BNIP3L: variants seen among roughly 807,000 people sequenced by gnomAD.
The protein encoded by BNIP3L is BCL2 interacting protein 3 like, also known as BCL2/adenovirus E1B 19 kDa protein-interacting protein 3-like.
In BNIP3L, 10 loss-of-function variants were observed where a neutral mutation model predicts 25.5. That is an observed-to-expected ratio of 0.39 (90% confidence interval 0.24 to 0.67). The LOEUF is 0.67. Ranked by LOEUF, BNIP3L falls within the 30% of genes least tolerant of loss-of-function variation. BNIP3L has a pLI of 0.45. For synonymous variants in BNIP3L, 113 were observed against 101.2 expected (o/e 1.12, Z -0.70); for missense variants, 215 against 270.9 (o/e 0.79, Z 1.45).
intron 3 of BNIP3L, among the ~76,000 whole-genome samples, chr8:26,400,041 C>G (rs1361714237): frequency 1.3e-5 from 2 of 151,156 alleles, no homozygotes; most frequent in African/African-American, 4.9e-5. Context: ...CAATGACTTT[C>G]TTCACAGAAT....
intron 1 of BNIP3L, among the ~76,000 whole-genome samples, chr8:26,388,457 C>A (rs899541472): frequency 6.6e-6 from 1 of 152,122 alleles, no homozygotes; most frequent in Admixed American, 6.5e-5. Context: ...CAGCCCCTGA[C>A]CACACTATAC....
chr8:26,389,394 T>A (rs1806058261), intron 1 of BNIP3L, among the ~76,000 whole-genome samples: 1 of 152,196 alleles, frequency 6.6e-6, no homozygotes, highest in Admixed American at 6.5e-5. Context: ...GCACTCGAGA[T>A]AAATTATCTT....
Position 26,408,394 on chromosome 8 carries a change from C to G in BNIP3L, c.611+18C>G, listed in dbSNP as rs1397936241. 6.3e-7 allele frequency: 1 copy of G among 1,590,532 alleles called. No homozygotes were observed. Among genetic ancestry groups the G allele is most frequent in the Non-Finnish European group, 8.6e-7 (1 of 1,168,536 alleles). ...GGGCTAGGGTAAGTACCGGTCAACT[C>G]CTGAAGTTTTTTCCATTCATTTTAT... On this transcript the variant is annotated intron_variant, in intron 5 of 5. Coordinates refer to ENST00000380629, the MANE Select transcript of BNIP3L (RefSeq NM_004331.3).
rs763982570 is a variant in BNIP3L at position 26,383,212 on chromosome 8, C to A, written c.82C>A (p.Pro28Thr). The stretch of plus-strand genomic sequence containing the variant: ...CGAGGAAAATGAGCAGTCTCTGCCC[C>A]CGCCGGCCGGCCTCAACAGTGAGTG... ...NCEENEQSLP[P>T]PAGLNSSWVE... Residue 28 changes from proline to threonine, a missense_variant, in exon 1 of 6, where the codon CCG (proline) becomes ACG (threonine). Pro to Thr is a conservative substitution (Grantham distance 38, BLOSUM62 -1). This residue lies in a region of BNIP3L where 69 missense variants were observed against 53.6 expected (regional missense o/e 1.29). Coordinates refer to ENST00000380629, the MANE Select transcript of BNIP3L (RefSeq NM_004331.3). 3.1e-6 allele frequency: 5 copies of A among 1,611,122 alleles called. No homozygotes were observed. The highest frequency in any genetic ancestry group is 3.4e-6 in the Non-Finnish European group (4 of 1,179,304).
In BNIP3L at chr8:26,410,408, A is replaced by G. The variant is rs779461964; in HGVS notation, c.656A>G (p.Tyr219Cys). 1 of 1,614,010 alleles carries G rather than the reference A, an allele frequency of 6.2e-7. No homozygotes were observed. Among genetic ancestry groups the G allele is most frequent in the Non-Finnish European group, 8.5e-7 (1 of 1,180,008 alleles). ...KRLSTPSASTY is the reference protein window; with the variant it reads ...KRLSTPSASTC ...CTGAGCACACCCTCTGCCAGCACCTACTGAGGGAAAGGAAAAGCCCCTGGA... is the reference window on the plus strand; with the variant it reads ...CTGAGCACACCCTCTGCCAGCACCTGCTGAGGGAAAGGAAAAGCCCCTGGA... Residue 219 changes from tyrosine to cysteine, a missense_variant, in exon 6 of 6, where the codon TAC (tyrosine) becomes TGC (cysteine). This residue lies in a region of BNIP3L where 63 missense variants were observed against 98.8 expected (regional missense o/e 0.64). Transcript: ENST00000380629.
chr8:26,396,634 G>A (rs1278434274), intron 3 of BNIP3L, among the ~76,000 whole-genome samples: 7 of 151,204 alleles, frequency 4.6e-5, no homozygotes, highest in Non-Finnish European at 1.0e-4. Flanking sequence ...GAATGATTTT[G>A]ACGAGCTGAG....
At chr8:26,408,505 TAAAA>T in intron 5 of BNIP3L, 129 bp downstream of exon 5, 3 of 1,107,384 alleles carry the variant, frequency 2.7e-6, no homozygotes, top group Non-Finnish European at 3.9e-6. Context: ...AAGGTGAACT[TAAAA>T]AAGTGGGTGC....
rs1806659824 is a variant in BNIP3L at position 26,412,803 on chromosome 8, T to C, written c.*2391T>C. On this transcript the variant is annotated 3_prime_UTR_variant, in exon 6 of 6. Transcript: ENST00000380629. ...ACAAAAAGGCAGGCTTCATTTTTCA[T>C]ATGTTTGATGAAAACTGGCTCAAGA... The C allele has an allele frequency of 6.6e-6, 1 of 152,590 alleles. No homozygotes were observed. Among genetic ancestry groups the C allele is most frequent in the Admixed American group, 6.5e-5 (1 of 15,282 alleles). The allele number at this position is 152,590 out of a possible 1,614,324, so 9.5% of individuals were successfully genotyped here.
intron 1 of BNIP3L, among the ~76,000 whole-genome samples, chr8:26,390,679 G>A (rs1041155391): frequency 6.6e-6 from 1 of 152,152 alleles, no homozygotes; most frequent in Non-Finnish European, 1.5e-5. Context: ...CCTGATTTGT[G>A]CACAAATTGA....
rs922102772 is a variant in BNIP3L at position 26,398,992 on chromosome 8, G to A, written c.357+3690G>A. Among the ~76,000 whole-genome samples, 222 of 151,474 alleles carry A rather than the reference G, an allele frequency of 1.5e-3. 1 individual carries two copies. The highest frequency in any genetic ancestry group is 2.4e-3 in the Non-Finnish European group (160 of 67,764). ...CAGCCGAATTCTACCAGAGGTACAA[G>A]GAGGAACTGGTACCATTCCTTCTGA... On this transcript the variant is annotated intron_variant, in intron 3 of 5. Transcript: ENST00000380629.
intron 5 of BNIP3L, among the ~76,000 whole-genome samples, chr8:26,409,118 G>A (rs954611185): frequency 6.6e-6 from 1 of 151,782 alleles, no homozygotes; most frequent in African/African-American, 2.4e-5. Context: ...AGGTTGATTG[G>A]TGCTAATTTT....
rs1806640839 is a variant in BNIP3L, at chr8:26,412,104, T to G, written c.*1692T>G. ...CTAGTTTTGAAAGTAATTTTCTTTT[T>G]TCTTTCTAGCATTTGATGTCTAAAT... On this transcript the variant is annotated 3_prime_UTR_variant, in exon 6 of 6. Coordinates refer to ENST00000380629, the MANE Select transcript of BNIP3L (RefSeq NM_004331.3). 1 of 152,296 alleles carries G rather than the reference T, an allele frequency of 6.6e-6. No homozygotes were observed. The highest frequency in any genetic ancestry group is 1.5e-5 in the Non-Finnish European group (1 of 68,036). 9.4% of individuals were successfully genotyped at this position (152,296 alleles called of 1,614,324 possible).
intron 3 of BNIP3L, among the ~76,000 whole-genome samples, chr8:26,401,877 T>C (rs747791910): frequency 1.3e-5 from 2 of 152,242 alleles, no homozygotes; most frequent in African/African-American, 2.4e-5. Context: ...GCTAATGATT[T>C]AGAATACTCA....
At chr8:26,404,783 C>T (rs534643623) in intron 3 of BNIP3L, among the ~76,000 whole-genome samples, 1 of 152,356 alleles carries the variant, frequency 6.6e-6, no homozygotes, top group African/African-American at 2.4e-5. Flanking sequence ...GCTGGGATTA[C>T]AGGCATGAGC....
intron 2 of BNIP3L, 46 bp downstream of exon 2, chr8:26,391,472 T>G: frequency 6.9e-7 from 1 of 1,444,660 alleles, no homozygotes; most frequent in Non-Finnish European, 9.2e-7. Context: ...ACAGGTGGGT[T>G]ACAGGGCTCA....
chr8:26,401,584 A>T (rs2117486472), intron 3 of BNIP3L, among the ~76,000 whole-genome samples: 1 of 151,480 alleles, frequency 6.6e-6, no homozygotes, highest in Non-Finnish European at 1.5e-5. Flanking sequence ...CAAAAAAAAA[A>T]ACCTACCAGT....
At chr8:26,409,084 A>G (rs894747148) in intron 5 of BNIP3L, among the ~76,000 whole-genome samples, 6 of 152,008 alleles carry the variant, frequency 3.9e-5, no homozygotes, top group Admixed American at 2.0e-4. Flanking sequence ...ATTACATTGA[A>G]TAGTTTTTTT....
chr8:26,403,287 A>G (rs1042258128), intron 3 of BNIP3L, among the ~76,000 whole-genome samples: 2 of 152,282 alleles, frequency 1.3e-5, no homozygotes, highest in African/African-American at 4.8e-5. Context: ...CCTTTTTTTA[A>G]TGGAAGAAAC....
intron 1 of BNIP3L, among the ~76,000 whole-genome samples, chr8:26,388,807 C>CTAAATAAATAAA (rs3837185): frequency 0.01 from 1,480 of 143,930 alleles, 18 homozygotes; most frequent in African/African-American, 0.026. Context: ...CCTGTCTCTA[C>CTAAATAAATAAA]TAAATAAATA....
Sources: allele counts gnomAD v4.1 joint callset (sites outside exome capture counted in the v4.1 genomes callset), GRCh38; gene constraint gnomAD v4.1.1; regional missense constraint gnomAD v4.1.1; transcripts MANE v1.5; gene names NCBI Gene and HGNC (gene_info 2026-07-23, HGNC 2026-07-21).